The following WWC2 variants were observed in gnomAD, a reference collection of about 807,000 sequenced individuals.
WWC2 encodes the protein protein WWC2.
WWC2 carries 101 observed loss-of-function variants against 138.5 expected under a neutral mutation model. The ratio of observed to expected loss-of-function variants is 0.73; its 90% CI spans 0.62 to 0.86. WWC2 has a LOEUF of 0.86. WWC2 is among the 40% of genes least tolerant of loss of function. The pLI is 0.00. For missense variants in WWC2, 1,420 were observed against 1,419.4 expected, an observed-to-expected ratio of 1.00 and a Z score of -0.01; for synonymous variants, 558 against 538.4, an observed-to-expected ratio of 1.04 and a Z score of -0.50.
intron 1 of WWC2, among the ~76,000 whole-genome samples, chr4:183,179,237 A>G (rs1254392445): frequency 6.6e-6 from 1 of 152,208 alleles, no homozygotes; most frequent in Non-Finnish European, 1.5e-5. Flanking sequence ...ATACTTCTGA[A>G]GAGAGGAGTG....
chr4:183,114,495 A>G (rs1019312266), intron 1 of WWC2, among the ~76,000 whole-genome samples: 8 of 152,186 alleles, frequency 5.3e-5, no homozygotes, highest in African/African-American at 1.9e-4. Flanking sequence ...GCTCAGAGCT[A>G]GAGATACTAA....
chr4:183,117,857 A>G (rs982620481), intron 1 of WWC2, among the ~76,000 whole-genome samples: 5 of 151,568 alleles, frequency 3.3e-5, no homozygotes, highest in Admixed American at 6.6e-5. Flanking sequence ...CTGGAATGCA[A>G]TGGTGCGATC....
In WWC2 at chr4:183,104,601, T is replaced by G. The variant is rs558981707; in HGVS notation, c.131+4979T>G. On this transcript the variant is annotated intron_variant, in intron 1 of 22. Transcript: ENST00000403733. Reference sequence around the variant, plus strand: ...CTCTCCAGCAGGCCCTGAGTCTGGGTGCCAAGTGGTTACTGTGAATTATTT... The same window carrying G: ...CTCTCCAGCAGGCCCTGAGTCTGGGGGCCAAGTGGTTACTGTGAATTATTT... Among the ~76,000 whole-genome samples, 4 of 152,312 alleles carry G rather than the reference T, an allele frequency of 2.6e-5. No homozygotes were observed. In the East Asian group the frequency reaches 7.7e-4, roughly 29 times the overall value.
At chr4:183,283,419 A>T (rs1325465071) in intron 18 of WWC2, among the ~76,000 whole-genome samples, 1 of 149,878 alleles carries the variant, frequency 6.7e-6, no homozygotes, top group South Asian at 2.1e-4. Context: ...TGTCAACCCC[A>T]TATGGGGAAA....
intron 1 of WWC2, among the ~76,000 whole-genome samples, chr4:183,119,731 G>C (rs1289811257): frequency 1.2e-4 from 18 of 152,176 alleles, no homozygotes; most frequent in Admixed American, 1.2e-3. Flanking sequence ...GATATTCTGA[G>C]TTATGGGTGG....
chr4:183,147,693 A>G (rs1486908025), intron 1 of WWC2, among the ~76,000 whole-genome samples: 1 of 152,202 alleles, frequency 6.6e-6, no homozygotes, highest in Non-Finnish European at 1.5e-5. Context: ...GGCCTTTTTC[A>G]TTTAGGATTT....
intron 16 of WWC2, among the ~76,000 whole-genome samples, chr4:183,277,201 A>G (rs535138057): frequency 3.6e-3 from 519 of 143,502 alleles, no homozygotes; most frequent in African/African-American, 0.013. Context: ...TCATTGTTCA[A>G]TTCCCACCTA....
intron 1 of WWC2, among the ~76,000 whole-genome samples, chr4:183,159,935 T>C (rs1733914847): frequency 6.6e-6 from 1 of 152,180 alleles, no homozygotes; most frequent in Admixed American, 6.5e-5. Flanking sequence ...TGACCTAAAC[T>C]AATTTTTGAG....
chr4:183,311,160 T>C (rs1350011392), intron 21 of WWC2, among the ~76,000 whole-genome samples: 1 of 152,198 alleles, frequency 6.6e-6, no homozygotes, highest in African/African-American at 2.4e-5. Context: ...TGAATGAATA[T>C]GAGTGAAATA....
chr4:183,184,826 G>A (rs532058350), intron 1 of WWC2, among the ~76,000 whole-genome samples: 4 of 152,284 alleles, frequency 2.6e-5, no homozygotes, highest in Non-Finnish European at 5.9e-5. Flanking sequence ...AATTAGTTAA[G>A]TATCCTTTGA....
At chr4:183,169,462 G>A (rs921552726) in intron 1 of WWC2, among the ~76,000 whole-genome samples, 8 of 151,610 alleles carry the variant, frequency 5.3e-5, no homozygotes, top group African/African-American at 1.9e-4. Context: ...TTTCATAGAA[G>A]TGGAGTCTCA....
chr4:183,187,909 C>A (rs960269669), intron 1 of WWC2, among the ~76,000 whole-genome samples: 28 of 151,774 alleles, frequency 1.8e-4, no homozygotes, highest in African/African-American at 6.8e-4. Context: ...AAAAAAGAGA[C>A]CAGAAATACC....
At chr4:183,185,944 GA>G (rs1205442917) in intron 1 of WWC2, among the ~76,000 whole-genome samples, 3 of 144,858 alleles carry the variant, frequency 2.1e-5, no homozygotes, top group Non-Finnish European at 3.0e-5. Flanking sequence ...CTTTAACATA[GA>G]TTTTTTTTTT....
intron 1 of WWC2, among the ~76,000 whole-genome samples, chr4:183,133,189 C>T (rs1266917907): frequency 2.3e-5 from 3 of 130,196 alleles, no homozygotes; most frequent in African/African-American, 8.9e-5. Context: ...TGCTCTGTTG[C>T]CCAGGCTGGA....
chr4:183,296,734 C>T (rs182862121), intron 21 of WWC2, among the ~76,000 whole-genome samples: 5 of 151,894 alleles, frequency 3.3e-5, no homozygotes, highest in Non-Finnish European at 7.4e-5. Context: ...GAGATCGAAA[C>T]CACCCTGGCT....
chr4:183,199,547 TA>T (rs1421018447), intron 2 of WWC2, among the ~76,000 whole-genome samples: 1 of 152,212 alleles, frequency 6.6e-6, no homozygotes, highest in Admixed American at 6.5e-5. Context: ...AGATGGCCAA[TA>T]ATTGTCTGTA....
chr4:183,290,286 G>A (rs891936484), intron 21 of WWC2, among the ~76,000 whole-genome samples: 2 of 152,160 alleles, frequency 1.3e-5, no homozygotes, highest in Non-Finnish European at 2.9e-5. Context: ...GGAGGCCGAG[G>A]CGGGTGGATC....
intron 1 of WWC2, among the ~76,000 whole-genome samples, chr4:183,134,214 G>A (rs1733040489): frequency 6.6e-6 from 1 of 151,644 alleles, no homozygotes; most frequent in South Asian, 2.1e-4. Context: ...AAAGAACTAA[G>A]TTTTGACACT....
chr4:183,144,992 C>T (rs913147143), intron 1 of WWC2, among the ~76,000 whole-genome samples: 17 of 152,182 alleles, frequency 1.1e-4, no homozygotes, highest in African/African-American at 3.9e-4. Context: ...GGAGTATAGC[C>T]GTAGGCGAGA....
Sources: allele counts gnomAD v4.1 joint callset (sites outside exome capture counted in the v4.1 genomes callset), GRCh38; gene constraint gnomAD v4.1.1; transcripts MANE v1.5; gene names NCBI Gene and HGNC (gene_info 2026-07-23, HGNC 2026-07-21).